FAM171A1: variants seen among roughly 807,000 people sequenced by gnomAD.
FAM171A1 encodes protein FAM171A1.
A neutral mutation model predicts 74.9 loss-of-function variants in FAM171A1; 23 were observed. The ratio of observed to expected loss-of-function variants is 0.31; its 90% CI spans 0.22 to 0.44. FAM171A1 has a LOEUF of 0.44. Among genes scored for constraint, FAM171A1 ranks in the 20% least tolerant of loss-of-function variants. The pLI, the probability that FAM171A1 is intolerant of heterozygous loss-of-function variation, is 1.00. For missense variants in FAM171A1, 1,162 were observed against 1,159.2 expected (o/e 1.00, Z -0.03); for synonymous variants, 527 against 505.7 (o/e 1.04, Z -0.57).
chr10:15,296,464 C>T (rs541417153), intron 1 of FAM171A1, among the ~76,000 whole-genome samples: 1 of 152,244 alleles, frequency 6.6e-6, no homozygotes, highest in African/African-American at 2.4e-5. Context: ...TCTAGCTGCA[C>T]TAAAGCATTT....
chr10:15,258,812 G>T (rs1834619746), intron 3 of FAM171A1, among the ~76,000 whole-genome samples: 1 of 152,112 alleles, frequency 6.6e-6, no homozygotes, highest in South Asian at 2.1e-4. Context: ...TGTTTCCTTT[G>T]CAAGTCCTTC....
chr10:15,262,418 T>G (rs1426674030), intron 3 of FAM171A1, among the ~76,000 whole-genome samples: 1 of 151,900 alleles, frequency 6.6e-6, no homozygotes, highest in South Asian at 2.1e-4. Context: ...GAAGAACCCA[T>G]GAAGGAGATT....
chr10:15,243,852 G>T (rs564534701), intron 5 of FAM171A1, among the ~76,000 whole-genome samples: 1 of 151,906 alleles, frequency 6.6e-6, no homozygotes, highest in South Asian at 2.1e-4. Flanking sequence ...GTTTACTTAC[G>T]CCATTCTCCT....
At chr10:15,352,152 T>C (rs1230326620) in intron 1 of FAM171A1, among the ~76,000 whole-genome samples, 2 of 151,676 alleles carry the variant, frequency 1.3e-5, no homozygotes, top group Admixed American at 1.3e-4. Flanking sequence ...GGCAGGAGAA[T>C]TGTTTGAACC....
At chr10:15,302,400 G>A (rs1170279128) in intron 1 of FAM171A1, among the ~76,000 whole-genome samples, 1 of 151,840 alleles carries the variant, frequency 6.6e-6, no homozygotes, top group Non-Finnish European at 1.5e-5. Flanking sequence ...AGGAGGCGGA[G>A]GTCGCAGTGC....
intron 1 of FAM171A1, among the ~76,000 whole-genome samples, chr10:15,361,605 C>A (rs1226011148): frequency 6.6e-6 from 1 of 152,146 alleles, no homozygotes; most frequent in African/African-American, 2.4e-5. Context: ...ATCGCTTGAA[C>A]TCAGGAGGCA....
intron 3 of FAM171A1, among the ~76,000 whole-genome samples, chr10:15,266,214 C>T (rs1834738009): frequency 6.6e-6 from 1 of 152,318 alleles, no homozygotes; most frequent in Non-Finnish European, 1.5e-5. Flanking sequence ...CCGCTATTCT[C>T]AACCCCTGCT....
chr10:15,257,854 G>A (rs747777271), intron 3 of FAM171A1, among the ~76,000 whole-genome samples: 26 of 152,192 alleles, frequency 1.7e-4, no homozygotes, highest in South Asian at 4.1e-4. Flanking sequence ...TTGGGGGAGC[G>A]GTTATATTCT....
chr10:15,368,683 TAAC>T (rs1353123627), intron 1 of FAM171A1, among the ~76,000 whole-genome samples: 1 of 152,188 alleles, frequency 6.6e-6, no homozygotes, highest in Non-Finnish European at 1.5e-5. Context: ...ACTGTATGCA[TAAC>T]AACCTACAAC....
intron 3 of FAM171A1, among the ~76,000 whole-genome samples, chr10:15,267,600 G>C (rs1237453144): frequency 7.6e-5 from 3 of 39,542 alleles, no homozygotes; most frequent in Non-Finnish European, 1.3e-4. Flanking sequence ...AGACACCATC[G>C]CAAAAAAAAA....
chr10:15,299,640 G>T lies in FAM171A1; in HGVS notation c.98-15535C>A, dbSNP rs554253204. Among the ~76,000 whole-genome samples the T allele has an allele frequency of 6.6e-5, 10 of 152,084 alleles. No homozygotes were observed. The South Asian group carries it at 1.0e-3, about 16-fold the overall frequency. The stretch of plus-strand genomic sequence containing the variant: ...GAAGAGACCAGTTAGAAAGTGCTAC[G>T]TGGGAGCCAGTAGTGAAGAAACTGA... On this transcript the variant is annotated intron_variant, in intron 1 of 7. Coordinates refer to ENST00000378116, the MANE Select transcript of FAM171A1 (RefSeq NM_001010924.2).
At chr10:15,262,269 G>A (rs887445104) in intron 3 of FAM171A1, among the ~76,000 whole-genome samples, 3 of 152,238 alleles carry the variant, frequency 2.0e-5, no homozygotes, top group Admixed American at 6.5e-5. Context: ...ATGTCAGAGC[G>A]ATCAGGCAGG....
At chr10:15,282,441 C>G (rs1034643941) in intron 2 of FAM171A1, among the ~76,000 whole-genome samples, 1 of 152,196 alleles carries the variant, frequency 6.6e-6, no homozygotes, top group Admixed American at 6.5e-5. Context: ...AAAACAAAGG[C>G]ACGTACTATT....
intron 5 of FAM171A1, among the ~76,000 whole-genome samples, chr10:15,236,851 G>A (rs1834297484): frequency 6.7e-6 from 1 of 149,746 alleles, no homozygotes; most frequent in Non-Finnish European, 1.5e-5. Flanking sequence ...CAGCACTTTG[G>A]GAGGCTGAGG....
intron 1 of FAM171A1, among the ~76,000 whole-genome samples, chr10:15,302,329 G>T (rs1835239584): frequency 6.6e-6 from 1 of 152,070 alleles, no homozygotes; most frequent in Non-Finnish European, 1.5e-5. Flanking sequence ...GCTGGGTGTG[G>T]TGGCAGGCGC....
chr10:15,286,247 G>T (rs528568590), intron 1 of FAM171A1, among the ~76,000 whole-genome samples: 14 of 152,254 alleles, frequency 9.2e-5, no homozygotes, highest in Non-Finnish European at 1.8e-4. Context: ...AAAAGGGACA[G>T]GTGAGACAAC....
intron 1 of FAM171A1, among the ~76,000 whole-genome samples, chr10:15,312,287 G>C (rs139789482): frequency 7.5e-5 from 11 of 146,610 alleles, no homozygotes; most frequent in Middle Eastern, 3.6e-3. Flanking sequence ...GAAATGGAGA[G>C]ACGCTCACTC....
At chr10:15,358,870 T>C (rs1233424119) in intron 1 of FAM171A1, among the ~76,000 whole-genome samples, 1 of 152,248 alleles carries the variant, frequency 6.6e-6, no homozygotes, top group East Asian at 1.9e-4. Context: ...AATTATAATA[T>C]AATCCTCTAA....
At chr10:15,313,591 G>A (rs1359875012) in intron 1 of FAM171A1, among the ~76,000 whole-genome samples, 2 of 152,170 alleles carry the variant, frequency 1.3e-5, no homozygotes, top group East Asian at 1.9e-4. Context: ...CTTAGAAAAT[G>A]CAGGAGAGTT....
Sources: allele counts gnomAD v4.1 joint callset (sites outside exome capture counted in the v4.1 genomes callset), GRCh38; gene constraint gnomAD v4.1.1; transcripts MANE v1.5; gene names NCBI Gene and HGNC (gene_info 2026-07-23, HGNC 2026-07-21).